The following AKAP13 variants were observed in gnomAD, a reference collection of about 807,000 sequenced individuals.
The protein encoded by AKAP13 is A-kinase anchor protein 13.
Under a neutral mutation model 264.5 loss-of-function variants are expected in AKAP13, and 80 were observed. The observed-to-expected ratio is 0.30, with a 90% CI of 0.25 to 0.36. The LOEUF is 0.36. AKAP13 is among the 10% of genes least tolerant of loss of function. The pLI is 1.00. For synonymous variants in AKAP13, 1,380 were observed against 1,250.2 expected, an observed-to-expected ratio of 1.10 and a Z score of -2.19; for missense variants, 3,712 against 3,435.2, an observed-to-expected ratio of 1.08 and a Z score of -2.01.
intron 14 of AKAP13, among the ~76,000 whole-genome samples, chr15:85,679,330 T>C (rs1436597237): frequency 6.6e-6 from 1 of 152,082 alleles, no homozygotes; most frequent in Non-Finnish European, 1.5e-5. Flanking sequence ...TCCGACACAA[T>C]GGAACCCTAA....
At chr15:85,687,174 AT>A (rs2151621755) in intron 16 of AKAP13, among the ~76,000 whole-genome samples, 1 of 152,246 alleles carries the variant, frequency 6.6e-6, no homozygotes, top group Non-Finnish European at 1.5e-5. Flanking sequence ...TAGCCTCCTT[AT>A]TTTACAAACT....
At chr15:85,392,517 T>A (rs2070918077) in intron 1 of AKAP13, among the ~76,000 whole-genome samples, 1 of 152,204 alleles carries the variant, frequency 6.6e-6, no homozygotes, top group African/African-American at 2.4e-5. Context: ...CCTCCCAAAG[T>A]GCTGGGATTA....
chr15:85,687,593 T>C (rs338550), intron 16 of AKAP13, among the ~76,000 whole-genome samples: 93,365 of 151,958 alleles, frequency 0.61, 28,772 homozygotes, highest in Middle Eastern at 0.72. Context: ...ATTACAAATT[T>C]GTAACCCTGA....
intron 1 of AKAP13, among the ~76,000 whole-genome samples, chr15:85,425,646 G>A (rs1446984803): frequency 1.1e-4 from 16 of 151,282 alleles, no homozygotes; most frequent in Non-Finnish European, 5.9e-5. Flanking sequence ...AACCCAGGAG[G>A]TGGACATTGC....
chr15:85,660,748 G>T (rs536332042), intron 12 of AKAP13, among the ~76,000 whole-genome samples: 1 of 152,140 alleles, frequency 6.6e-6, no homozygotes, highest in Non-Finnish European at 1.5e-5. Flanking sequence ...CCAGCGAAGT[G>T]TCTCCACTAT....
At chr15:85,521,856 G>A (rs145318072) in intron 3 of AKAP13, among the ~76,000 whole-genome samples, 28 of 152,266 alleles carry the variant, frequency 1.8e-4, no homozygotes, top group Non-Finnish European at 2.8e-4. Flanking sequence ...GTTGAAAGCT[G>A]TATTTATCCT....
Position 85,590,224 on chromosome 15 carries a change from C to T in AKAP13, c.4161+4401C>T, listed in dbSNP as rs183807010. Reference sequence around the variant, plus strand: ...TATGCTTTGCTACCGGCTTCAAAACCAGTAGTATGGTAAATTTATGGCAGT... The same window carrying T: ...TATGCTTTGCTACCGGCTTCAAAACTAGTAGTATGGTAAATTTATGGCAGT... On this transcript the variant is annotated intron_variant, in intron 8 of 36. Coordinates refer to ENST00000394518, the MANE Select transcript of AKAP13 (RefSeq NM_007200.5). Among the ~76,000 whole-genome samples, 9 of 152,214 alleles carry T rather than the reference C, an allele frequency of 5.9e-5. 1 individual carries two copies. Among genetic ancestry groups the T allele is most frequent in the African/African-American group, 2.2e-4 (9 of 41,538 alleles).
chr15:85,423,096 A>G (rs1403110599), intron 1 of AKAP13, among the ~76,000 whole-genome samples: 1 of 152,258 alleles, frequency 6.6e-6, no homozygotes, highest in African/African-American at 2.4e-5. Flanking sequence ...ACCTTCAACA[A>G]GTCGTGATCT....
chr15:85,566,872 C>T (rs1302404174), intron 5 of AKAP13, among the ~76,000 whole-genome samples: 1 of 151,882 alleles, frequency 6.6e-6, no homozygotes, highest in African/African-American at 2.4e-5. Flanking sequence ...TCGTGATCTG[C>T]CTGCGTCGGC....
intron 19 of AKAP13, among the ~76,000 whole-genome samples, chr15:85,711,055 G>A (rs569569608): frequency 4.7e-5 from 7 of 150,320 alleles, no homozygotes; most frequent in East Asian, 1.9e-4. Context: ...TCTCTCTGTC[G>A]CCCAGGCTGG....
At chr15:85,582,685 T>G (rs1277386269) in intron 7 of AKAP13, among the ~76,000 whole-genome samples, 1 of 151,952 alleles carries the variant, frequency 6.6e-6, no homozygotes, top group Non-Finnish European at 1.5e-5. Context: ...TTTTTTGGGC[T>G]AGGGGTGTTG....
At chr15:85,572,872 A>G (rs1301234298) in intron 5 of AKAP13, among the ~76,000 whole-genome samples, 2 of 151,898 alleles carry the variant, frequency 1.3e-5, no homozygotes, top group Admixed American at 1.3e-4. Context: ...TCCTGTGTCC[A>G]TGTGTTCTTA....
At chr15:85,630,649 C>G (rs557091856) in intron 8 of AKAP13, among the ~76,000 whole-genome samples, 2 of 152,132 alleles carry the variant, frequency 1.3e-5, no homozygotes, top group South Asian at 4.2e-4. Context: ...CCCAGCATGG[C>G]GAGCCTTACA....
chr15:85,669,960 T>A, intron 14 of AKAP13, 130 bp downstream of exon 14: 1 of 518,860 alleles, frequency 1.9e-6, no homozygotes, highest in Non-Finnish European at 3.4e-6. Flanking sequence ...AGTGAATGGC[T>A]CAGCACTTAA....
At chr15:85,476,800 C>A (rs1294258705) in intron 1 of AKAP13, among the ~76,000 whole-genome samples, 1 of 152,194 alleles carries the variant, frequency 6.6e-6, no homozygotes, top group African/African-American at 2.4e-5. Flanking sequence ...CTGCAATCAT[C>A]CTTTCCTTTA....
intron 1 of AKAP13, among the ~76,000 whole-genome samples, chr15:85,447,285 A>G (rs2073933866): frequency 7.2e-6 from 1 of 138,538 alleles, no homozygotes; most frequent in African/African-American, 2.4e-5. Context: ...AAATAAATAA[A>G]TCTGTTATTA....
chr15:85,732,952 T>C (rs2088164063), intron 30 of AKAP13, among the ~76,000 whole-genome samples: 1 of 152,180 alleles, frequency 6.6e-6, no homozygotes, highest in Admixed American at 6.5e-5. Context: ...TTCTCCCGTT[T>C]TTGAAAAAAT....
At chr15:85,487,202 A>G (rs1057160391) in intron 2 of AKAP13, among the ~76,000 whole-genome samples, 1 of 152,206 alleles carries the variant, frequency 6.6e-6, no homozygotes, top group Admixed American at 6.5e-5. Context: ...GTACAGGATC[A>G]AGTGATCAGA....
chr15:85,531,388 A>G (rs920500507), intron 3 of AKAP13, among the ~76,000 whole-genome samples: 7 of 152,172 alleles, frequency 4.6e-5, no homozygotes, highest in African/African-American at 1.7e-4. Flanking sequence ...TACTTTACTC[A>G]TCTTCACCTT....
Sources: allele counts gnomAD v4.1 joint callset (sites outside exome capture counted in the v4.1 genomes callset), GRCh38; gene constraint gnomAD v4.1.1; transcripts MANE v1.5; gene names NCBI Gene and HGNC (gene_info 2026-07-23, HGNC 2026-07-21).